SH3KBP1: variants seen among roughly 807,000 people sequenced by gnomAD.
SH3KBP1 encodes the protein SH3 domain containing kinase binding protein 1.
In SH3KBP1, 8 loss-of-function variants were observed where a neutral mutation model predicts 50.1. The observed-to-expected ratio is 0.16, with a 90% CI of 0.09 to 0.29. The LOEUF (loss-of-function observed/expected upper bound fraction) is 0.29, where lower values mean the gene tolerates loss of function less well. Among genes scored for constraint, SH3KBP1 ranks in the 10% least tolerant of loss-of-function variants. The pLI is 1.00. For synonymous variants in SH3KBP1, 227 were observed against 218.6 expected (o/e 1.04, Z -0.34); for missense variants, 377 against 535.2 (o/e 0.70, Z 2.92).
intron 3 of SH3KBP1, among the ~76,000 whole-genome samples, chrX:19,733,348 T>A (rs2064435587): frequency 9.1e-6 from 1 of 110,097 alleles, no homozygotes; most frequent in African/African-American, 3.3e-5. Context: ...GCCATAATAG[T>A]TAACCATATT....
intron 3 of SH3KBP1, among the ~76,000 whole-genome samples, chrX:19,722,819 C>CA (rs200955557): frequency 0.19 from 17,470 of 93,919 alleles, 1,401 homozygotes; most frequent in African/African-American, 0.24. Context: ...ACCAGTTCTT[C>CA]AAAAAAAAAA....
chrX:19,610,150 AG>A (rs2067368670), intron 8 of SH3KBP1, among the ~76,000 whole-genome samples: 1 of 112,220 alleles, frequency 8.9e-6, no homozygotes, highest in Admixed American at 9.4e-5. Flanking sequence ...AGATTTACCC[AG>A]AACAAAACAA....
chrX:19,612,242 T>C (rs2067452265), intron 8 of SH3KBP1, among the ~76,000 whole-genome samples: 1 of 111,777 alleles, frequency 8.9e-6, no homozygotes, highest in Admixed American at 9.5e-5. Context: ...TTCGAAAGTA[T>C]AAAATAGCAG....
rs746283824 is a variant in SH3KBP1, at chrX:19,668,863, A to G, written c.726+14960T>C. Among the ~76,000 whole-genome samples the G allele has an allele frequency of 2.0e-3, 191 of 95,987 alleles. 2 individuals are homozygous for G. Among genetic ancestry groups the G allele is most frequent in the African/African-American group, 6.6e-3 (182 of 27,447 alleles). The allele number at this position is 95,987 out of a possible 115,157, so 83.4% of individuals were successfully genotyped here. A position where few individuals can be genotyped will look rare whatever the true frequency, so the allele number is the denominator to read the frequency against. On this transcript the variant is annotated intron_variant, in intron 6 of 17. Transcript: ENST00000397821. ...GGTGAGACTGTGTCTCAAAAAAAAA[A>G]AAAAAAAAAAGTCTGGAAGGATACA... is the stretch of plus-strand genomic sequence containing the variant.
At chrX:19,719,044 T>C (rs1378320530) in intron 3 of SH3KBP1, among the ~76,000 whole-genome samples, 1 of 111,391 alleles carries the variant, frequency 9.0e-6, no homozygotes, top group Non-Finnish European at 1.9e-5. Flanking sequence ...ACATACATAC[T>C]CATTCATTCA....
chrX:19,587,529 T>C (rs2066608779), intron 12 of SH3KBP1, among the ~76,000 whole-genome samples: 2 of 112,196 alleles, frequency 1.8e-5, no homozygotes, highest in African/African-American at 3.2e-5. Flanking sequence ...TTTAAGAGAG[T>C]AAATGAGCTC....
chrX:19,824,023 T>G (rs1474032624), intron 2 of SH3KBP1, among the ~76,000 whole-genome samples: 2 of 110,985 alleles, frequency 1.8e-5, no homozygotes, highest in Admixed American at 1.9e-4. Flanking sequence ...TTTCATCATG[T>G]TGGCCAGTCT....
rs1288105396 is a variant in SH3KBP1, at chrX:19,541,948, G to A, written c.1869C>T (p.Ile623=). ...ACTTCTGCTGGTCCTTCATGGTCTC[G>A]ATGATGCTCCTCAGCTCGCGGACCT... ...RTQVRELRSI[I]ETMKDQQKRE... Residue 623 remains isoleucine (I), a synonymous_variant, in exon 16 of 18, where the codon ATC becomes ATT. Coordinates refer to ENST00000397821, the MANE Select transcript of SH3KBP1 (RefSeq NM_031892.3). 14 of 1,208,638 alleles carry A rather than the reference G, an allele frequency of 1.2e-5. No homozygotes were observed. The highest frequency in any genetic ancestry group is 7.1e-5 in the South Asian group (4 of 56,474).
In SH3KBP1 at chrX:19,561,948, C is replaced by A. The variant is rs774109052; in HGVS notation, c.1384+7155G>T. Among the ~76,000 whole-genome samples, 5 of 108,780 alleles carry A rather than the reference C, an allele frequency of 4.6e-5. No individual in the cohort carries two copies. In the East Asian group the frequency reaches 1.5e-3, roughly 32 times the overall value. The allele number at this position is 108,780 out of a possible 115,157, so 94.5% of individuals were successfully genotyped here. A position where few individuals can be genotyped will look rare whatever the true frequency, so the allele number is the denominator to read the frequency against. The stretch of plus-strand genomic sequence containing the variant: ...TGCAAAGGTAAGCTTGGTTCTAAAT[C>A]AGGGCATCCTGCTGACCTCCAACTC... On this transcript the variant is annotated intron_variant, in intron 13 of 17. Transcript: ENST00000397821.
chrX:19,618,717 T>G (rs965709452), intron 8 of SH3KBP1, among the ~76,000 whole-genome samples: 3 of 111,757 alleles, frequency 2.7e-5, no homozygotes, highest in Non-Finnish European at 5.6e-5. Context: ...GGTTCACGCC[T>G]GTAATCCCAG....
At chrX:19,665,048 A>G (rs1681345859) in intron 6 of SH3KBP1, among the ~76,000 whole-genome samples, 2 of 111,947 alleles carry the variant, frequency 1.8e-5, no homozygotes, top group Non-Finnish European at 3.8e-5. Flanking sequence ...TGAATAATCT[A>G]GAAAAGTTAC....
intron 3 of SH3KBP1, among the ~76,000 whole-genome samples, chrX:19,722,821 A>G (rs1263385421): frequency 4.8e-5 from 5 of 104,841 alleles, no homozygotes; most frequent in African/African-American, 1.7e-4. Context: ...CAGTTCTTCA[A>G]AAAAAAAAAA....
chrX:19,860,568 G>A (rs1035538883), intron 1 of SH3KBP1, among the ~76,000 whole-genome samples: 3 of 111,797 alleles, frequency 2.7e-5, no homozygotes, highest in Admixed American at 1.9e-4. Flanking sequence ...GAGAATGTAC[G>A]TGATGCCACT....
chrX:19,769,358 C>T (rs1223774369), intron 2 of SH3KBP1, among the ~76,000 whole-genome samples: 9 of 110,116 alleles, frequency 8.2e-5, no homozygotes, highest in African/African-American at 2.6e-4. Flanking sequence ...CCCAGTTTGG[C>T]CTCCCAAAGT....
chrX:19,745,275 C>T (rs1458635862), intron 3 of SH3KBP1, among the ~76,000 whole-genome samples: 1 of 112,325 alleles, frequency 8.9e-6, no homozygotes, highest in Non-Finnish European at 1.9e-5. Flanking sequence ...CAACATGGGC[C>T]TCCAGCCAAT....
intron 3 of SH3KBP1, among the ~76,000 whole-genome samples, chrX:19,737,652 A>C (rs2064630278): frequency 1.8e-5 from 2 of 111,797 alleles, no homozygotes; most frequent in African/African-American, 6.5e-5. Context: ...CCACCTCTGG[A>C]ATCGCAGGTT....
At chrX:19,661,811 G>C (rs1029271950) in intron 6 of SH3KBP1, among the ~76,000 whole-genome samples, 3 of 110,393 alleles carry the variant, frequency 2.7e-5, no homozygotes, top group Non-Finnish European at 5.7e-5. Flanking sequence ...ATTTTTAGTA[G>C]AGACAGGGTT....
At chrX:19,866,882 A>G (rs1034593483) in intron 1 of SH3KBP1, among the ~76,000 whole-genome samples, 2 of 108,617 alleles carry the variant, frequency 1.8e-5, no homozygotes, top group Admixed American at 9.9e-5. Flanking sequence ...ATACTATCCA[A>G]ACGTAAACAG....
intron 1 of SH3KBP1, among the ~76,000 whole-genome samples, chrX:19,853,030 AG>A (rs1190658258): frequency 8.9e-6 from 1 of 112,822 alleles, no homozygotes. Flanking sequence ...TCTCTTGGTT[AG>A]GGTCAGGTGA....
Sources: allele counts gnomAD v4.1 joint callset (sites outside exome capture counted in the v4.1 genomes callset), GRCh38; gene constraint gnomAD v4.1.1; transcripts MANE v1.5; gene names NCBI Gene and HGNC (gene_info 2026-07-23, HGNC 2026-07-21).